Variants in MICAL2 observed in about 807,000 individuals in gnomAD.
The protein encoded by MICAL2 is [F-actin]-monooxygenase MICAL2.
In MICAL2, 77 loss-of-function variants were observed where a neutral mutation model predicts 127.3. That is an observed-to-expected ratio of 0.60 (90% CI 0.50 to 0.73). The LOEUF is 0.73. MICAL2 is among the 30% of genes least tolerant of loss of function. The pLI is 0.00. For missense variants in MICAL2, 1,351 were observed against 1,434.4 expected (o/e 0.94, Z 0.94); for synonymous variants, 570 against 551.1 (o/e 1.03, Z -0.48).
At chr11:12,304,338 G>T (rs1024494441) in intron 29 of MICAL2, among the ~76,000 whole-genome samples, 1 of 151,932 alleles carries the variant, frequency 6.6e-6, no homozygotes, top group Admixed American at 6.6e-5. Context: ...TTATTAAAAA[G>T]GCCATTCTTC....
intron 22 of MICAL2, 142 bp from the exon 23 acceptor site, chr11:12,255,501 G>A: frequency 1.5e-6 from 1 of 674,884 alleles, no homozygotes; most frequent in South Asian, 1.8e-5. Flanking sequence ...CTCCTGGCTG[G>A]TTTTGCTTCT....
rs193217086 is a variant in MICAL2, at chr11:12,156,139, A to G, written c.-77-5940A>G. ...TGCAGTGGACCTGGGGTCTCTCCCCAGCACTCCAGCCCTGAGGCTGTGTGG... is the reference window on the plus strand; with the variant it reads ...TGCAGTGGACCTGGGGTCTCTCCCCGGCACTCCAGCCCTGAGGCTGTGTGG... On this transcript the variant is annotated intron_variant, in intron 2 of 27. Transcript: ENST00000683283. Among the ~76,000 whole-genome samples, 1,212 of 152,334 alleles carry G rather than the reference A, an allele frequency of 8.0e-3. 7 individuals are homozygous for G. The highest frequency in any genetic ancestry group is 0.014 in the Non-Finnish European group (941 of 68,020).
intron 26 of MICAL2, 25 bp from the exon 27 acceptor site, chr11:12,262,455 T>C: frequency 6.2e-7 from 1 of 1,613,364 alleles, no homozygotes; most frequent in Non-Finnish European, 8.5e-7. Context: ...TCTCTCTCTT[T>C]CCAATCTTAC....
At chr11:12,261,059 A>G (rs965570943) in intron 26 of MICAL2, 4 of 985,554 alleles carry the variant, frequency 4.1e-6, no homozygotes, top group Non-Finnish European at 4.8e-6. Flanking sequence ...AGGCTGAGCC[A>G]AGGCTGTGCA....
At position 12,277,621 on chromosome 11, in the gene MICAL2, C is replaced by T. The variant is rs556546490; in HGVS notation, c.87+1455C>T. ...TGTCTGGGCTAAGAGAAGGTCGGTG[C>T]GGCAGGTACACCCTGAGTGGGAAAA... On this transcript the variant is annotated intron_variant, in intron 1 of 2. Transcript: ENST00000529028. Among the ~76,000 whole-genome samples, 6 of 152,190 alleles carry T rather than the reference C, an allele frequency of 3.9e-5. No homozygotes were observed. In the East Asian group the frequency reaches 9.7e-4, roughly 24 times the overall value.
rs192193201 is a variant in MICAL2, at chr11:12,319,617, G to A, written c.5213-79G>A. 4,978 of 1,019,916 alleles carry A rather than the reference G, an allele frequency of 4.9e-3. 220 individuals are homozygous for A. The Admixed American group carries it at 0.081, about 16-fold the overall frequency. 63.2% of individuals were successfully genotyped at this position (1,019,916 alleles called of 1,614,324 possible). On this transcript the variant is annotated intron_variant, in intron 29 of 34. Transcript: ENST00000646065. Reference sequence around the variant, plus strand: ...AGGAAGGGAATGAGAGTAAGTGGGGGAGGAGGAAGCAGCAGCTTTGGTTCA... The same window carrying A: ...AGGAAGGGAATGAGAGTAAGTGGGGAAGGAGGAAGCAGCAGCTTTGGTTCA...
rs1250029417 is a variant in MICAL2, at chr11:12,110,940, C to A, written c.-149+214C>A. Reference sequence around the variant, plus strand: ...GGGCGGCCCTGGCCGGCCTCTGAACCAATTAGAACGCAATAAAAGCCTCCC... The same window carrying A: ...GGGCGGCCCTGGCCGGCCTCTGAACAAATTAGAACGCAATAAAAGCCTCCC... On this transcript the variant is annotated intron_variant, in intron 1 of 27. Transcript: ENST00000683283. The surrounding 1 kb of genome is among the most constrained non-coding windows in gnomAD (Gnocchi z 4.5). Among the ~76,000 whole-genome samples the A allele has an allele frequency of 1.3e-5, 2 of 152,188 alleles. No individual in the cohort carries two copies. Among genetic ancestry groups the A allele is most frequent in the Non-Finnish European group, 2.9e-5 (2 of 68,034 alleles).
intron 12 of MICAL2, 88 bp downstream of exon 12, chr11:12,223,589 C>T (rs907041106): frequency 1.6e-5 from 19 of 1,174,402 alleles, no homozygotes; most frequent in African/African-American, 1.1e-4. Context: ...GACACAGGCA[C>T]TGCAACCAGC....
chr11:12,240,231 C>T (rs749208169), intron 17 of MICAL2, among the ~76,000 whole-genome samples: 19 of 152,296 alleles, frequency 1.2e-4, no homozygotes, highest in Admixed American at 8.5e-4. Context: ...CAGAATGCTG[C>T]GTCAGGCTGT....
intron 3 of MICAL2, among the ~76,000 whole-genome samples, chr11:12,174,814 T>C (rs1024529462): frequency 1.3e-5 from 2 of 152,218 alleles, no homozygotes; most frequent in Non-Finnish European, 2.9e-5. Flanking sequence ...TTCGCAATTA[T>C]TAATTCATTC....
chr11:12,171,791 A>G (rs1856287993), intron 3 of MICAL2, among the ~76,000 whole-genome samples: 2 of 152,238 alleles, frequency 1.3e-5, no homozygotes, highest in African/African-American at 2.4e-5. Flanking sequence ...GCCCAAAAGA[A>G]ATATAATGTA....
At chr11:12,130,172 T>C (rs1005545073) in intron 1 of MICAL2, among the ~76,000 whole-genome samples, 1 of 152,166 alleles carries the variant, frequency 6.6e-6, no homozygotes, top group African/African-American at 2.4e-5. Flanking sequence ...GGACTCAGCA[T>C]TTGGAACTTG....
intron 32 of MICAL2, among the ~76,000 whole-genome samples, chr11:12,330,875 G>A (rs1163563440): frequency 7.0e-6 from 1 of 142,328 alleles, no homozygotes; most frequent in Non-Finnish European, 1.5e-5. Flanking sequence ...GAGAGAGAGA[G>A]AGAGAGACAG....
intron 21 of MICAL2, among the ~76,000 whole-genome samples, chr11:12,246,808 A>ATT (rs1013832579): frequency 6.6e-5 from 10 of 152,318 alleles, no homozygotes; most frequent in African/African-American, 2.4e-4. Flanking sequence ...ATTGTTAGGC[A>ATT]TTTCAGGCTG....
intron 3 of MICAL2, among the ~76,000 whole-genome samples, chr11:12,200,143 C>G (rs1022450023): frequency 6.6e-6 from 1 of 152,176 alleles, no homozygotes; most frequent in Non-Finnish European, 1.5e-5. Flanking sequence ...ATACAGAGGA[C>G]AGGGGCAGCC....
At chr11:12,158,228 C>T (rs756113594) in intron 2 of MICAL2, among the ~76,000 whole-genome samples, 20 of 152,098 alleles carry the variant, frequency 1.3e-4, no homozygotes, top group African/African-American at 3.6e-4. Context: ...CAAAACACTT[C>T]TGGTCCCAAG....
chr11:12,337,370 G>T (rs1938785215), intron 32 of MICAL2, among the ~76,000 whole-genome samples: 1 of 152,084 alleles, frequency 6.6e-6, no homozygotes, highest in Non-Finnish European at 1.5e-5. Flanking sequence ...CTTGCTAGCG[G>T]TCTATCAATT....
chr11:12,143,153 C>T (rs1852515899), intron 2 of MICAL2, among the ~76,000 whole-genome samples: 1 of 152,126 alleles, frequency 6.6e-6, no homozygotes, highest in African/African-American at 2.4e-5. Flanking sequence ...GGCTGTGAGA[C>T]TTGGGTACTG....
chr11:12,295,787 T>A (rs1015067074), downstream of MICAL2, among the ~76,000 whole-genome samples: 13 of 152,154 alleles, frequency 8.5e-5, no homozygotes, highest in African/African-American at 3.1e-4. Context: ...TAATTGAATA[T>A]CCTGTCTGGT....
Sources: gnomAD v4.1 joint callset for allele counts (sites outside exome capture counted in the v4.1 genomes callset) on GRCh38, gnomAD v4.1.1 for gene constraint, Gnocchi (gnomAD v3.1) non-coding constraint, MANE v1.5 for transcripts, NCBI Gene and HGNC (gene_info 2026-07-23, HGNC 2026-07-21) for gene names.